Variants in MIR2052HG observed in about 807,000 individuals in gnomAD.
MIR2052HG encodes MIR2052 host gene.
intron 2 of MIR2052HG, among the ~76,000 whole-genome samples, chr8:74,675,509 GT>G (rs1351419736): frequency 1.3e-5 from 2 of 152,022 alleles, no homozygotes; most frequent in African/African-American, 4.8e-5. Context: ...TCTATAGGGA[GT>G]GGGGGGTCCT....
chr8:74,648,640 G>A (rs531680065), intron 2 of MIR2052HG, among the ~76,000 whole-genome samples: 185 of 152,112 alleles, frequency 1.2e-3, no homozygotes, highest in Non-Finnish European at 2.3e-3. Context: ...TTCTCTCTTT[G>A]TACTCTTTCT....
At chr8:74,645,204 G>A (rs1054138362) in intron 2 of MIR2052HG, among the ~76,000 whole-genome samples, 34 of 151,416 alleles carry the variant, frequency 2.2e-4, no homozygotes, top group Admixed American at 4.6e-4. Context: ...CAAAGTTGGG[G>A]AAAAAGGTGA....
intron 4 of MIR2052HG, among the ~76,000 whole-genome samples, chr8:74,709,028 G>T (rs1398325975): frequency 6.6e-6 from 1 of 151,950 alleles, no homozygotes. Flanking sequence ...CTTATTTGTA[G>T]ACCTAAAATT....
intron 2 of MIR2052HG, among the ~76,000 whole-genome samples, chr8:74,676,135 G>T (rs1035378547): frequency 6.6e-6 from 1 of 151,910 alleles, no homozygotes; most frequent in Non-Finnish European, 1.5e-5. Flanking sequence ...TTCCAACAAT[G>T]TTTTTTCAAA....
chr8:74,600,463 A>T (rs911879128), intron 1 of MIR2052HG, among the ~76,000 whole-genome samples: 2 of 151,090 alleles, frequency 1.3e-5, no homozygotes, highest in African/African-American at 4.9e-5. Flanking sequence ...CATGCCTGTA[A>T]TCCCAGCTAC....
At chr8:74,675,243 T>C (rs1809038494) in intron 2 of MIR2052HG, among the ~76,000 whole-genome samples, 1 of 152,006 alleles carries the variant, frequency 6.6e-6, no homozygotes, top group Admixed American at 6.6e-5. Flanking sequence ...ATGTTCCACA[T>C]CAGCAGATTC....
At chr8:74,725,468 G>T (rs1809623744) in intron 4 of MIR2052HG, among the ~76,000 whole-genome samples, 7 of 152,220 alleles carry the variant, frequency 4.6e-5, no homozygotes, top group Admixed American at 4.6e-4. Flanking sequence ...GACTTGGAAT[G>T]AATAATGGCA....
rs193093246 is a variant in MIR2052HG, at chr8:74,616,120, A to G, written n.216+3180A>G. Among the ~76,000 whole-genome samples the G allele has an allele frequency of 8.3e-3, 1,262 of 152,194 alleles. 7 individuals carry two copies. The highest frequency in any genetic ancestry group is 0.014 in the Middle Eastern group (4 of 294). On this transcript the variant is annotated intron_variant and non_coding_transcript_variant, in intron 2 of 6. Coordinates refer to ENST00000523442, the Ensembl canonical transcript of MIR2052HG. ...CAGCATGATTTATAATCCTTTGGGTATATACCCAGTAATGGGATGGCTGGG... is the reference window on the plus strand; with the variant it reads ...CAGCATGATTTATAATCCTTTGGGTGTATACCCAGTAATGGGATGGCTGGG...
intron 2 of MIR2052HG, among the ~76,000 whole-genome samples, chr8:74,648,710 TG>T (rs1257881641): frequency 6.6e-6 from 1 of 152,186 alleles, no homozygotes; most frequent in African/African-American, 2.4e-5. Context: ...ATTGAAATAT[TG>T]GGGGCTGGTT....
intron 1 of MIR2052HG, among the ~76,000 whole-genome samples, chr8:74,600,507 G>C (rs1042887704): frequency 2.6e-5 from 4 of 151,180 alleles, no homozygotes; most frequent in African/African-American, 9.7e-5. Context: ...GCATGAACCG[G>C]GGAGGCGGAG....
intron 4 of MIR2052HG, among the ~76,000 whole-genome samples, chr8:74,737,074 T>C (rs193205045): frequency 4.1e-4 from 63 of 152,288 alleles, no homozygotes; most frequent in African/African-American, 1.5e-3. Flanking sequence ...AGTTGAGAAA[T>C]TGGCAGTCCG....
At chr8:74,602,686 A>AT (rs914054186) in intron 1 of MIR2052HG, among the ~76,000 whole-genome samples, 11 of 148,928 alleles carry the variant, frequency 7.4e-5, no homozygotes, top group African/African-American at 2.0e-4. Context: ...TAATTTTTGT[A>AT]TTTTTTTTTA....
chr8:74,634,983 A>G (rs540135199), intron 2 of MIR2052HG, among the ~76,000 whole-genome samples: 1 of 152,164 alleles, frequency 6.6e-6, no homozygotes, highest in South Asian at 2.1e-4. Flanking sequence ...TATATTCATT[A>G]GTCTAATTTT....
At chr8:74,605,220 A>G (rs1306238285) in intron 1 of MIR2052HG, among the ~76,000 whole-genome samples, 1 of 152,118 alleles carries the variant, frequency 6.6e-6, no homozygotes, top group Admixed American at 6.5e-5. Context: ...TGCTATTTTT[A>G]CATGAGGGGT....
chr8:74,610,366 A>C (rs1262487963), intron 1 of MIR2052HG, among the ~76,000 whole-genome samples: 1 of 151,912 alleles, frequency 6.6e-6, no homozygotes, highest in Non-Finnish European at 1.5e-5. Flanking sequence ...GCTGAGAAAA[A>C]ATTTTTAAAA....
intron 2 of MIR2052HG, among the ~76,000 whole-genome samples, chr8:74,698,486 C>G (rs1017340651): frequency 6.6e-6 from 1 of 152,046 alleles, no homozygotes; most frequent in East Asian, 1.9e-4. Context: ...GCAAATGCAA[C>G]AAAAACAAAG....
intron 2 of MIR2052HG, among the ~76,000 whole-genome samples, chr8:74,635,792 T>G (rs1808575200): frequency 6.6e-6 from 1 of 152,200 alleles, no homozygotes; most frequent in Non-Finnish European, 1.5e-5. Flanking sequence ...CAGGGAAATT[T>G]ATAGCACAGC....
intron 4 of MIR2052HG, chr8:74,705,558 G>A (rs772490236): frequency 4.2e-5 from 7 of 168,542 alleles, no homozygotes; most frequent in Non-Finnish European, 8.8e-5. Context: ...TCTATAGTTG[G>A]CCTGTGAGAT....
chr8:74,611,171 G>A (rs1046746826), intron 1 of MIR2052HG, among the ~76,000 whole-genome samples: 5 of 151,894 alleles, frequency 3.3e-5, no homozygotes, highest in Admixed American at 6.6e-5. Flanking sequence ...TTGAATAGAC[G>A]CTACATCAGA....
Sources: allele counts gnomAD v4.1 joint callset (sites outside exome capture counted in the v4.1 genomes callset), GRCh38; gene constraint gnomAD v4.1.1; transcripts MANE v1.5; gene names NCBI Gene and HGNC (gene_info 2026-07-23, HGNC 2026-07-21).